The following SDK1 variants were observed in gnomAD, a reference collection of about 807,000 sequenced individuals.
SDK1 encodes the protein protein sidekick-1.
SDK1 carries 157 observed loss-of-function variants against 245.5 expected under a neutral mutation model. That is an observed-to-expected ratio of 0.64 (90% CI 0.56 to 0.73). The LOEUF (loss-of-function observed/expected upper bound fraction) is 0.73, where lower values mean the gene tolerates loss of function less well. Among genes scored for constraint, SDK1 ranks in the 30% least tolerant of loss-of-function variants. The pLI is 0.00. For missense variants in SDK1, 3,583 were observed against 3,002.3 expected (o/e 1.19, Z -4.52); for synonymous variants, 1,647 against 1,278.5 (o/e 1.29, Z -6.15).
At chr7:3,956,719 C>G (rs922415073) in intron 7 of SDK1, among the ~76,000 whole-genome samples, 23 of 152,200 alleles carry the variant, frequency 1.5e-4, no homozygotes, top group African/African-American at 5.3e-4. Flanking sequence ...GTTTTCTCAC[C>G]AGGTGGCATG....
intron 2 of SDK1, among the ~76,000 whole-genome samples, chr7:3,624,110 C>G (rs1423292719): frequency 2.0e-5 from 3 of 152,098 alleles, no homozygotes; most frequent in Admixed American, 2.0e-4. Flanking sequence ...TGTAGGAAAC[C>G]CACTTGCTAT....
At chr7:4,262,018 C>CTTTTTTTTTTTTTTTTTTTTT (rs34610558) in intron 44 of SDK1, among the ~76,000 whole-genome samples, 1 of 59,252 alleles carries the variant, frequency 1.7e-5, no homozygotes, top group Non-Finnish European at 2.9e-5. Context: ...CTGCTTTCTC[C>CTTTTTTTTTTTTTTTTTTTTT]TTTTTTTTTT....
chr7:3,706,604 A>G (rs1784897248), intron 4 of SDK1, among the ~76,000 whole-genome samples: 3 of 152,058 alleles, frequency 2.0e-5, no homozygotes, highest in African/African-American at 7.2e-5. Context: ...GGGTTTCACC[A>G]TGTTAGCCAG....
At chr7:3,531,194 G>T (rs769010039) in intron 1 of SDK1, among the ~76,000 whole-genome samples, 4 of 152,166 alleles carry the variant, frequency 2.6e-5, no homozygotes, top group African/African-American at 4.8e-5. Context: ...TTGATCTTCA[G>T]TGTGGAACTT....
intron 5 of SDK1, among the ~76,000 whole-genome samples, chr7:3,830,762 G>A (rs1779894378): frequency 1.3e-5 from 2 of 152,158 alleles, no homozygotes; most frequent in South Asian, 2.1e-4. Flanking sequence ...CTCCCAAAGT[G>A]CTGGGATTAC....
intron 1 of SDK1, among the ~76,000 whole-genome samples, chr7:3,369,035 C>T (rs1004876443): frequency 2.6e-5 from 4 of 151,672 alleles, no homozygotes; most frequent in African/African-American, 4.8e-5. Flanking sequence ...TTTTTTCTTT[C>T]CTTTTCTTTT....
intron 4 of SDK1, among the ~76,000 whole-genome samples, chr7:3,810,771 G>T (rs1319787377): frequency 6.6e-6 from 1 of 151,946 alleles, no homozygotes; most frequent in African/African-American, 2.4e-5. Flanking sequence ...TGGAGAAAAG[G>T]CCAGGGATTT....
chr7:3,930,046 C>G (rs1428387051), intron 5 of SDK1, among the ~76,000 whole-genome samples: 1 of 152,074 alleles, frequency 6.6e-6, no homozygotes, highest in Non-Finnish European at 1.5e-5. Context: ...AGACTCAGCC[C>G]ACCCAGCACA....
At position 3,872,332 on chromosome 7, in the gene SDK1, C is replaced by G. The variant is rs541372333; in HGVS notation, c.847+50749C>G. Among the ~76,000 whole-genome samples the G allele has an allele frequency of 3.3e-5, 5 of 152,156 alleles. No individual in the cohort carries two copies. The South Asian group carries it at 8.3e-4, about 25-fold the overall frequency. On this transcript the variant is annotated intron_variant, in intron 5 of 44. Coordinates refer to ENST00000404826, the MANE Select transcript of SDK1 (RefSeq NM_152744.4). Reference sequence around the variant, plus strand: ...CTCATAAAATGAGAAGTATTCCCTTCTCTTTTATTTTCTGTAAGATATCGT... The same window carrying G: ...CTCATAAAATGAGAAGTATTCCCTTGTCTTTTATTTTCTGTAAGATATCGT...
chr7:3,567,494 A>G (rs563470133), intron 1 of SDK1, among the ~76,000 whole-genome samples: 4 of 152,354 alleles, frequency 2.6e-5, no homozygotes, highest in African/African-American at 9.6e-5. Context: ...TAAGTGGTCA[A>G]AAATTCTTGT....
At chr7:4,025,237 CTGTT>C (rs760838670) in intron 17 of SDK1, among the ~76,000 whole-genome samples, 1 of 152,230 alleles carries the variant, frequency 6.6e-6, no homozygotes. Flanking sequence ...TACAGCAACA[CTGTT>C]TGGTTTGACT....
chr7:3,968,758 T>A (rs575884523), intron 10 of SDK1, among the ~76,000 whole-genome samples: 85 of 152,362 alleles, frequency 5.6e-4, no homozygotes, highest in African/African-American at 2.0e-3. Context: ...ACTGCTTCAG[T>A]TATTTCTTTT....
chr7:3,739,431 T>G (rs1779413903), intron 4 of SDK1, among the ~76,000 whole-genome samples: 2 of 152,210 alleles, frequency 1.3e-5, no homozygotes, highest in South Asian at 4.1e-4. Flanking sequence ...TAGTTGTGTG[T>G]TGGCACACCT....
At chr7:3,704,985 A>T (rs1428134405) in intron 4 of SDK1, among the ~76,000 whole-genome samples, 5 of 152,192 alleles carry the variant, frequency 3.3e-5, no homozygotes, top group Admixed American at 1.3e-4. Flanking sequence ...TTTGTCAAAG[A>T]TCAGTTGATT....
At chr7:3,859,196 T>C (rs1445616274) in intron 5 of SDK1, among the ~76,000 whole-genome samples, 1 of 152,050 alleles carries the variant, frequency 6.6e-6, no homozygotes, top group African/African-American at 2.4e-5. Context: ...TTGTGGGTCA[T>C]GAATTGGAAA....
At chr7:3,406,641 A>G (rs1282027641) in intron 1 of SDK1, among the ~76,000 whole-genome samples, 4 of 152,146 alleles carry the variant, frequency 2.6e-5, no homozygotes, top group Non-Finnish European at 4.4e-5. Context: ...AGGGCACTAA[A>G]CGAGAATAAA....
intron 1 of SDK1, among the ~76,000 whole-genome samples, chr7:3,607,055 A>G (rs757202877): frequency 2.0e-5 from 3 of 152,158 alleles, no homozygotes; most frequent in Non-Finnish European, 4.4e-5. Context: ...TGCACCTTCA[A>G]CTTCTCTCAA....
intron 7 of SDK1, among the ~76,000 whole-genome samples, chr7:3,955,181 G>A (rs1348300828): frequency 1.3e-5 from 2 of 152,188 alleles, no homozygotes; most frequent in East Asian, 1.9e-4. Context: ...ACCTGGTGGG[G>A]CATCTGCTGC....
intron 4 of SDK1, among the ~76,000 whole-genome samples, chr7:3,813,859 C>T (rs1293544481): frequency 8.0e-6 from 1 of 124,680 alleles, no homozygotes; most frequent in South Asian, 3.1e-4. Context: ...TCTCTGATGG[C>T]CAGTGATGAT....
Sources: allele counts gnomAD v4.1 joint callset (sites outside exome capture counted in the v4.1 genomes callset), GRCh38; gene constraint gnomAD v4.1.1; transcripts MANE v1.5; gene names NCBI Gene and HGNC (gene_info 2026-07-23, HGNC 2026-07-21).